Variants in SUMF1 observed in about 807,000 individuals in gnomAD.
SUMF1 encodes formylglycine-generating enzyme.
SUMF1 carries 48 observed loss-of-function variants against 47.6 expected under a neutral mutation model. The observed-to-expected ratio is 1.01, with a 90% confidence interval of 0.80 to 1.28. The LOEUF (loss-of-function observed/expected upper bound fraction) is 1.28. Ranked by LOEUF, SUMF1 falls within the 50% of genes most tolerant of loss-of-function variation. The pLI, the probability that SUMF1 is intolerant of heterozygous loss-of-function variation, is 0.00. For missense variants in SUMF1, 571 were observed against 485.4 expected, an observed-to-expected ratio of 1.18 and a Z score of -1.66; for synonymous variants, 230 against 192.1, an observed-to-expected ratio of 1.20 and a Z score of -1.63.
intron 8 of SUMF1, among the ~76,000 whole-genome samples, chr3:4,365,800 T>C (rs1226814849): frequency 1.3e-5 from 2 of 151,560 alleles, no homozygotes; most frequent in African/African-American, 4.8e-5. Context: ...TGATGCAGTT[T>C]CTTCCTAGTC....
chr3:4,226,494 C>A (rs527571645), intron 8 of SUMF1, among the ~76,000 whole-genome samples: 53 of 151,672 alleles, frequency 3.5e-4, no homozygotes, highest in Admixed American at 2.0e-4. Flanking sequence ...GTTCTCGATC[C>A]CTTGACCTCA....
Position 4,313,766 on chromosome 3 carries a change from G to T in SUMF1, c.1014+62564C>A, listed in dbSNP as rs145244472. The stretch of plus-strand genomic sequence containing the variant: ...TGCAAGCGATTGACCCTTGAGGTGA[G>T]TCTGTTCAGTGATAAGCAGCTTGCC... On this transcript the variant is annotated intron_variant and NMD_transcript_variant, in intron 8 of 12. Transcript: ENST00000448413. 2.5e-4 allele frequency: 406 copies of T among 1,614,006 alleles called. No individual in the cohort carries two copies. In the East Asian group the frequency reaches 7.1e-3, roughly 28 times the overall value.
intron 1 of SUMF1, among the ~76,000 whole-genome samples, chr3:4,458,533 T>C (rs1042154204): frequency 1.3e-5 from 2 of 152,080 alleles, no homozygotes; most frequent in Non-Finnish European, 2.9e-5. Context: ...TACATATATA[T>C]ATAAATGTCA....
At chr3:4,282,465 A>C (rs1439352898) in intron 8 of SUMF1, among the ~76,000 whole-genome samples, 1 of 152,240 alleles carries the variant, frequency 6.6e-6, no homozygotes, top group Non-Finnish European at 1.5e-5. Context: ...CATACCTTCT[A>C]CAATTTCTGT....
intron 8 of SUMF1, among the ~76,000 whole-genome samples, chr3:4,135,895 A>C (rs1389288909): frequency 6.6e-6 from 1 of 152,194 alleles, no homozygotes; most frequent in African/African-American, 2.4e-5. Context: ...AGAGAATAAA[A>C]TACACAGGAA....
chr3:4,420,195 A>C, intron 3 of SUMF1, 49 bp from the exon 4 acceptor site: 1 of 1,461,372 alleles, frequency 6.8e-7, no homozygotes, highest in Non-Finnish European at 9.6e-7. Flanking sequence ...CATCAACTCT[A>C]GAAAAATATC....
chr3:4,419,924 T>G, intron 4 of SUMF1, 140 bp downstream of exon 4: 1 of 768,654 alleles, frequency 1.3e-6, no homozygotes. Context: ...TCCCACCATC[T>G]TATTTTCCTA....
intron 8 of SUMF1, among the ~76,000 whole-genome samples, chr3:4,129,667 A>G (rs1574908965): frequency 2.0e-5 from 3 of 152,224 alleles, no homozygotes; most frequent in African/African-American, 7.2e-5. Flanking sequence ...GTTTACCAGG[A>G]TAACTGTGCA....
intron 8 of SUMF1, among the ~76,000 whole-genome samples, chr3:4,331,254 T>C (rs1353540276): frequency 6.6e-6 from 1 of 152,052 alleles, no homozygotes; most frequent in Admixed American, 6.6e-5. Flanking sequence ...CTAGGCAAAA[T>C]TACTTTCCTT....
At chr3:4,445,046 C>A (rs1702732278) in intron 3 of SUMF1, among the ~76,000 whole-genome samples, 1 of 152,122 alleles carries the variant, frequency 6.6e-6, no homozygotes, top group Non-Finnish European at 1.5e-5. Flanking sequence ...TCGGTAATGA[C>A]CACAAATGGG....
chr3:4,228,358 C>T (rs1696219353), intron 8 of SUMF1, among the ~76,000 whole-genome samples: 1 of 152,018 alleles, frequency 6.6e-6, no homozygotes, highest in South Asian at 2.1e-4. Flanking sequence ...ATTCAGCTAA[C>T]TCTGGGCCCC....
intron 1 of SUMF1, among the ~76,000 whole-genome samples, chr3:4,459,235 TGTTA>T (rs1387703817): frequency 6.6e-6 from 1 of 152,224 alleles, no homozygotes; most frequent in African/African-American, 2.4e-5. Flanking sequence ...CTGATGGATT[TGTTA>T]ATTAGCTTGA....
At chr3:4,316,945 T>C in intron 8 of SUMF1, 1 of 1,549,368 alleles carries the variant, frequency 6.5e-7, no homozygotes, top group Non-Finnish European at 8.7e-7. Context: ...GGCCCAATTC[T>C]TCTCCACGAC....
chr3:4,223,733 A>G (rs890783088), intron 8 of SUMF1, among the ~76,000 whole-genome samples: 3 of 152,044 alleles, frequency 2.0e-5, no homozygotes, highest in Non-Finnish European at 2.9e-5. Flanking sequence ...CCAAATGGTG[A>G]TTATGTGTTG....
chr3:4,250,197 G>A (rs893328024), intron 8 of SUMF1, among the ~76,000 whole-genome samples: 2 of 150,164 alleles, frequency 1.3e-5, no homozygotes, highest in East Asian at 3.9e-4. Context: ...GGGGGAGGGA[G>A]TGAAGGGAGA....
intron 8 of SUMF1, among the ~76,000 whole-genome samples, chr3:4,083,790 A>C (rs2125047205): frequency 6.6e-6 from 1 of 151,970 alleles, no homozygotes; most frequent in Non-Finnish European, 1.5e-5. Context: ...TATTAATCAG[A>C]TACAAATACA....
At chr3:4,449,576 CT>C (rs1702900738) in intron 2 of SUMF1, among the ~76,000 whole-genome samples, 1 of 152,170 alleles carries the variant, frequency 6.6e-6, no homozygotes, top group Non-Finnish European at 1.5e-5. Context: ...AGAATGCAGA[CT>C]GAACAAGATT....
intron 8 of SUMF1, among the ~76,000 whole-genome samples, chr3:4,215,013 T>C (rs899872734): frequency 4.6e-5 from 7 of 152,118 alleles, no homozygotes; most frequent in South Asian, 4.2e-4. Flanking sequence ...TTTCAAACAA[T>C]AGAAAAAGAG....
chr3:4,368,161 G>C (rs975241462), intron 8 of SUMF1, among the ~76,000 whole-genome samples: 14 of 152,124 alleles, frequency 9.2e-5, no homozygotes, highest in South Asian at 4.1e-4. Flanking sequence ...ACAACCCCAT[G>C]AAAAAGTGGG....
Sources: allele counts gnomAD v4.1 joint callset (sites outside exome capture counted in the v4.1 genomes callset), GRCh38; gene constraint gnomAD v4.1.1; transcripts MANE v1.5; gene names NCBI Gene and HGNC (gene_info 2026-07-23, HGNC 2026-07-21).